HIGD1C: variants seen among roughly 807,000 people sequenced by gnomAD.
HIGD1C encodes the protein HIG1 domain family member 1C.
HIGD1C carries 11 observed loss-of-function variants against 13.1 expected under a neutral mutation model. The observed-to-expected ratio is 0.84, with a 90% confidence interval of 0.53 to 1.39. The LOEUF (loss-of-function observed/expected upper bound fraction) is 1.39, where lower values mean the gene tolerates loss of function less well. Ranked by LOEUF, HIGD1C falls within the 40% of genes most tolerant of loss-of-function variation. The probability of loss-of-function intolerance (pLI) is 0.00; values close to 1 mark genes in which losing one functional copy is unlikely to be tolerated. For synonymous variants in HIGD1C, 36 were observed against 37.7 expected (o/e 0.95, Z 0.17); for missense variants, 110 against 112.0 (o/e 0.98, Z 0.08).
At chr12:50,968,393 G>T (rs71445769) in intron 2 of HIGD1C, among the ~76,000 whole-genome samples, 22,325 of 151,150 alleles carry the variant, frequency 0.15, 1,860 homozygotes, top group South Asian at 0.26. Flanking sequence ...CTTTTTTTGT[G>T]TGTGTGTGGG....
chr12:50,964,301 T>G (rs1244861473), intron 2 of HIGD1C, among the ~76,000 whole-genome samples: 1 of 152,234 alleles, frequency 6.6e-6, no homozygotes, highest in Non-Finnish European at 1.5e-5. Flanking sequence ...CCCCTTTGCT[T>G]TCAGCAAGTA....
intron 2 of HIGD1C, among the ~76,000 whole-genome samples, chr12:50,964,788 C>A (rs1471406462): frequency 6.6e-6 from 1 of 152,222 alleles, no homozygotes; most frequent in Non-Finnish European, 1.5e-5. Flanking sequence ...GAGTGACCAC[C>A]TGATTAAGTT....
At chr12:50,953,460 T>G (rs1265097349), upstream of HIGD1C, among the ~76,000 whole-genome samples, 1 of 152,224 alleles carries the variant, frequency 6.6e-6, no homozygotes, top group African/African-American at 2.4e-5. Flanking sequence ...AGGAATCCAT[T>G]GTCTAGCATA....
chr12:50,960,331 T>G (rs1939277957), intron 1 of HIGD1C, among the ~76,000 whole-genome samples: 1 of 152,222 alleles, frequency 6.6e-6, no homozygotes, highest in Admixed American at 6.5e-5. Flanking sequence ...TCAAAAGCTG[T>G]GGGCACTGAG....
intron 2 of HIGD1C, among the ~76,000 whole-genome samples, chr12:50,965,679 A>T (rs1939513361): frequency 6.6e-6 from 1 of 152,264 alleles, no homozygotes; most frequent in East Asian, 1.9e-4. Context: ...CACTCATTCT[A>T]CCAAAGTATG....
the HIGD1C span, among the ~76,000 whole-genome samples, chr12:50,945,766 T>C: frequency 2.6e-5 from 4 of 152,234 alleles, no homozygotes; most frequent in East Asian, 7.7e-4. Flanking sequence ...AGAGCCCACA[T>C]TGCTAAGACA....
At chr12:50,967,014 G>C (rs1245822322) in intron 2 of HIGD1C, among the ~76,000 whole-genome samples, 1 of 152,086 alleles carries the variant, frequency 6.6e-6, no homozygotes, top group Non-Finnish European at 1.5e-5. Context: ...CTACTCGGGA[G>C]GCTGAGGTAG....
chr12:50,948,943 A>G (rs115762500), upstream of HIGD1C, among the ~76,000 whole-genome samples: 23 of 45,218 alleles, frequency 5.1e-4, no homozygotes, highest in African/African-American at 1.5e-3. Flanking sequence ...GAGGAGGAGG[A>G]GGAGGAGGAG....
chr12:50,948,151 C>G, the HIGD1C span, among the ~76,000 whole-genome samples: 1 of 152,206 alleles, frequency 6.6e-6, no homozygotes, highest in African/African-American at 2.4e-5. Context: ...ATTTCTGGAA[C>G]CTTCCCTACA....
chr12:50,965,265 C>A (rs970984127), intron 2 of HIGD1C, among the ~76,000 whole-genome samples: 10 of 151,658 alleles, frequency 6.6e-5, no homozygotes, highest in African/African-American at 1.5e-4. Flanking sequence ...ACGTGTGCAC[C>A]ACCATGCCTG....
rs531627695 is a variant in HIGD1C at position 50,969,253 on chromosome 12, C to T, written c.230-1189C>T. 7.2e-5 allele frequency among the ~76,000 whole-genome samples: 11 copies of T among 152,006 alleles called. No homozygotes were observed. In the East Asian group the frequency reaches 2.1e-3, roughly 30 times the overall value. ...AGGCTGCAGTGAGCCAAGATCACCC[C>T]ACTGCACTCCAGCCTGGGCAAGACA... is the stretch of plus-strand genomic sequence containing the variant. On this transcript the variant is annotated intron_variant, in intron 2 of 2. Transcript: ENST00000398455.
chr12:50,950,670 A>ATTT (rs57553489), upstream of HIGD1C, among the ~76,000 whole-genome samples: 284 of 87,658 alleles, frequency 3.2e-3, 3 homozygotes, highest in African/African-American at 5.7e-3. Context: ...TGCCCAGCTA[A>ATTT]TTTTTTTTTT....
At chr12:50,962,704 GA>G (rs1018713852) in intron 2 of HIGD1C, among the ~76,000 whole-genome samples, 2 of 151,280 alleles carry the variant, frequency 1.3e-5, no homozygotes, top group Admixed American at 6.6e-5. Flanking sequence ...CTCAAAAAAA[GA>G]AAAAAAAATT....
intron 2 of HIGD1C, among the ~76,000 whole-genome samples, chr12:50,968,072 C>T (rs372004903): frequency 2.0e-5 from 3 of 151,218 alleles, no homozygotes; most frequent in South Asian, 2.1e-4. Context: ...GGCCACAGAG[C>T]GAGGCATTGT....
chr12:50,960,913 C>T (rs79534240), intron 1 of HIGD1C, 55 bp from the exon 4 acceptor site: 242,984 of 1,467,770 alleles, frequency 0.17, 23,310 homozygotes, highest in East Asian at 0.49. Context: ...CTCCTGGTCT[C>T]ACACGATGCT....
chr12:50,964,230 C>T (rs995923971), intron 2 of HIGD1C, among the ~76,000 whole-genome samples: 3 of 152,230 alleles, frequency 2.0e-5, no homozygotes, highest in Non-Finnish European at 4.4e-5. Flanking sequence ...TCTGTTTCTG[C>T]AGCTGGTCAG....
chr12:50,950,959 C>T (rs1027685539), upstream of HIGD1C, among the ~76,000 whole-genome samples: 2 of 151,900 alleles, frequency 1.3e-5, no homozygotes, highest in African/African-American at 4.8e-5. Context: ...GCTGGGATTA[C>T]AGGCATGAGC....
the HIGD1C span, among the ~76,000 whole-genome samples, chr12:50,934,297 T>C: frequency 1.3e-5 from 2 of 152,246 alleles, no homozygotes; most frequent in Non-Finnish European, 2.9e-5. Flanking sequence ...GGCTTTGGCA[T>C]CAAAGTGACA....
chr12:50,934,340 C>A, the HIGD1C span, among the ~76,000 whole-genome samples: 10 of 152,234 alleles, frequency 6.6e-5, no homozygotes, highest in African/African-American at 2.4e-4. Flanking sequence ...TTGGTTGAGT[C>A]TGTGACCTTG....
Sources: allele counts gnomAD v4.1 joint callset (sites outside exome capture counted in the v4.1 genomes callset), GRCh38; gene constraint gnomAD v4.1.1; transcripts MANE v1.5; gene names NCBI Gene and HGNC (gene_info 2026-07-23, HGNC 2026-07-21).